CABP1: variants seen among roughly 807,000 people sequenced by gnomAD.
The protein encoded by CABP1 is calcium binding protein 1, also known as calcium-binding protein 1.
CABP1 carries 17 observed loss-of-function variants against 34.3 expected under a neutral mutation model. The observed-to-expected ratio is 0.50, with a 90% CI of 0.34 to 0.74. The LOEUF (loss-of-function observed/expected upper bound fraction) is 0.74, where lower values mean the gene tolerates loss of function less well. Ranked by LOEUF, CABP1 falls within the 30% of genes least tolerant of loss-of-function variation. CABP1 has a pLI of 0.01. For missense variants in CABP1, 373 were observed against 511.1 expected, an observed-to-expected ratio of 0.73 and a Z score of 2.61; for synonymous variants, 198 against 229.2, an observed-to-expected ratio of 0.86 and a Z score of 1.23.
At position 120,641,236 on chromosome 12, in the gene CABP1, C is replaced by T; in HGVS notation, c.551C>T (p.Ser184Phe). 2.4e-6 allele frequency: 3 copies of T among 1,275,044 alleles called. No homozygotes were observed. Among genetic ancestry groups the T allele is most frequent in the Non-Finnish European group, 3.0e-6 (3 of 1,012,868 alleles). 79.0% of individuals were successfully genotyped at this position (1,275,044 alleles called of 1,614,324 possible). The change falls in exon 1 of 6, where the codon TCT (serine) becomes TTT (phenylalanine). Residue 184 changes from serine (S) to phenylalanine (F), a missense_variant. Physicochemically the swap from Ser to Phe is radical, Grantham distance 155. Around this residue, in one of 4 missense-constraint regions of CABP1, gnomAD observed 121 missense variants for 125.5 expected, o/e 0.96. Coordinates refer to ENST00000316803, the MANE Select transcript of CABP1 (RefSeq NM_001033677.2). This position sits in a 1 kb window ranked among gnomAD's most constrained non-coding sequence, Gnocchi z 6.7. Reference protein sequence around the residue: ...GLSPALGLRGSLRARGRGDSV... With the variant: ...GLSPALGLRGFLRARGRGDSV... ...TCCCCGGCGCTCGGCCTCCGGGGCT[C>T]TCTGCGAGCCCGGGGCCGCGGGGAC...
chr12:120,641,447 TCA>T lies in CABP1; in HGVS notation c.654+110_654+111del. 1 of 1,156,218 alleles carries T rather than the reference TCA, an allele frequency of 8.6e-7. No homozygotes were observed. Among genetic ancestry groups the T allele is most frequent in the Non-Finnish European group, 1.1e-6 (1 of 918,556 alleles). The allele number at this position is 1,156,218 out of a possible 1,614,324, so 71.6% of individuals were successfully genotyped here. Reference sequence around the variant, plus strand: ...CCCGCGGCCCGTGGTCCCCCACGGATCACGCCTCGGCTCACCTCGTCCTCCCC... The same window carrying T: ...CCCGCGGCCCGTGGTCCCCCACGGATCGCCTCGGCTCACCTCGTCCTCCCC... On this transcript the variant is annotated intron_variant, in intron 1 of 5. Transcript: ENST00000316803. The surrounding 1 kb of genome is among the most constrained non-coding windows in gnomAD (Gnocchi z 6.7).
chr12:120,667,371 C>G (rs1213871915), downstream of CABP1: 1 of 179,492 alleles, frequency 5.6e-6, no homozygotes, highest in Non-Finnish European at 1.2e-5. Context: ...AGATGACCCT[C>G]ACATTTCCTG....
chr12:120,650,472 A>T, intron 1 of CABP1: 2 of 1,483,576 alleles, frequency 1.3e-6, no homozygotes, highest in South Asian at 2.7e-5. Context: ...CAGGCAGACG[A>T]GTAAGAGAGC....
chr12:120,679,000 G>A, the CABP1 span, among the ~76,000 whole-genome samples: 10 of 146,434 alleles, frequency 6.8e-5, no homozygotes, highest in Non-Finnish European at 1.3e-4. Flanking sequence ...TTGAACTGAG[G>A]AGGCCAAGGT....
rs1167919419 is a variant in CABP1 at position 120,660,375 on chromosome 12, T to C, written c.829+36T>C. 1.2e-6 allele frequency: 2 copies of C among 1,600,750 alleles called. No homozygotes were observed. The highest frequency in any genetic ancestry group is 8.5e-7 in the Non-Finnish European group (1 of 1,175,148). ...CTACCAGGCATCTGCGTCCCTTCGGTCCTCACCCTTGCCGTCCTCTGCAGT... is the reference window on the plus strand; with the variant it reads ...CTACCAGGCATCTGCGTCCCTTCGGCCCTCACCCTTGCCGTCCTCTGCAGT... On this transcript the variant is annotated intron_variant, in intron 3 of 5. Transcript: ENST00000316803. The surrounding 1 kb of genome is among the most constrained non-coding windows in gnomAD (Gnocchi z 5.0).
In CABP1 at chr12:120,640,827, C is replaced by T; in HGVS notation, c.142C>T (p.Pro48Ser). 1 of 1,079,898 alleles carries T rather than the reference C, an allele frequency of 9.3e-7. No individual in the cohort carries two copies. Among genetic ancestry groups the T allele is most frequent in the Non-Finnish European group, 1.1e-6 (1 of 892,740 alleles). The allele number at this position is 1,079,898 out of a possible 1,614,324, so 66.9% of individuals were successfully genotyped here. A position where few individuals can be genotyped will look rare whatever the true frequency, so the allele number is the denominator to read the frequency against. Reference sequence around the variant, plus strand: ...GCCGCGCCGCACCGCGCCGCCCCCGCCGGGCCATGCGAGCGCGGGCCCCGC... The same window carrying T: ...GCCGCGCCGCACCGCGCCGCCCCCGTCGGGCCATGCGAGCGCGGGCCCCGC... ...PAPRRTAPPPPGHASAGPAAM... is the reference protein window; with the variant it reads ...PAPRRTAPPPSGHASAGPAAM... Residue 48 changes from proline (P) to serine (S), a missense_variant, in exon 1 of 6, where the codon CCG (proline) becomes TCG (serine). Around this residue, in one of 4 missense-constraint regions of CABP1, gnomAD observed 134 missense variants for 145.4 expected, o/e 0.92. Coordinates refer to ENST00000316803, the MANE Select transcript of CABP1 (RefSeq NM_001033677.2). This position sits in a 1 kb window ranked among gnomAD's most constrained non-coding sequence, Gnocchi z 6.2.
At chr12:120,675,217 T>A in the CABP1 span, among the ~76,000 whole-genome samples, 1 of 152,056 alleles carries the variant, frequency 6.6e-6, no homozygotes, top group Non-Finnish European at 1.5e-5. Flanking sequence ...CACGCCCAGC[T>A]AAATTCTGTA....
Position 120,660,599 on chromosome 12 carries a change from G to T in CABP1, c.830-132G>T. The T allele has an allele frequency of 1.3e-6, 1 of 749,676 alleles. No individual in the cohort carries two copies. The highest frequency in any genetic ancestry group is 2.3e-6 in the Non-Finnish European group (1 of 425,844). 46.4% of individuals were successfully genotyped at this position (749,676 alleles called of 1,614,324 possible). A position where few individuals can be genotyped will look rare whatever the true frequency, so the allele number is the denominator to read the frequency against. On this transcript the variant is annotated intron_variant, in intron 3 of 5. Transcript: ENST00000316803. This position sits in a 1 kb window ranked among gnomAD's most constrained non-coding sequence, Gnocchi z 5.0. ...GCTCACAGGAAGAACTGAACAGAGG[G>T]CTCTTGTTATTATTAAGTTTGTCTC... is the stretch of plus-strand genomic sequence containing the variant.
the CABP1 span, among the ~76,000 whole-genome samples, chr12:120,675,029 TTTTTA>T: frequency 1.3e-5 from 2 of 151,764 alleles, no homozygotes; most frequent in Non-Finnish European, 2.9e-5. Flanking sequence ...TCACTGTTTA[TTTTTA>T]TTTTTAGTTT....
At chr12:120,650,744 C>G (rs374639633) in intron 1 of CABP1, 49 of 1,553,116 alleles carry the variant, frequency 3.2e-5, no homozygotes, top group Non-Finnish European at 3.6e-5. Context: ...CCATCTGTCT[C>G]AGAGGTTGGG....
At chr12:120,667,613 C>G (rs1418017856), downstream of CABP1, among the ~76,000 whole-genome samples, 1 of 152,038 alleles carries the variant, frequency 6.6e-6, no homozygotes, top group African/African-American at 2.4e-5. Flanking sequence ...CTCAGCCTCC[C>G]GAGTAGCTGG....
At chr12:120,652,911 T>C (rs1178819219) in intron 1 of CABP1, among the ~76,000 whole-genome samples, 2 of 152,126 alleles carry the variant, frequency 1.3e-5, no homozygotes, top group South Asian at 2.1e-4. Flanking sequence ...CTTGGCTTCC[T>C]GAGCGGTATC....
chr12:120,640,962 G>A lies in CABP1; in HGVS notation c.277G>A (p.Asp93Asn). The A allele has an allele frequency of 8.7e-7, 1 of 1,143,370 alleles. No homozygotes were observed. Among genetic ancestry groups the A allele is most frequent in the Non-Finnish European group, 1.1e-6 (1 of 931,632 alleles). The allele number at this position is 1,143,370 out of a possible 1,614,324, so 70.8% of individuals were successfully genotyped here. A position where few individuals can be genotyped will look rare whatever the true frequency, so the allele number is the denominator to read the frequency against. The part of the protein sequence containing the change: ...SRAPRHGPAR[D>N]PGLPSRRLPG... ...GGCTCCCCGCCACGGCCCTGCCCGG[G>A]ACCCGGGGCTGCCTAGCCGCCGGCT... The change falls in exon 1 of 6, where the codon GAC (aspartate) becomes AAC (asparagine). Residue 93 changes from aspartate to asparagine, a missense_variant. By Grantham distance (23) the Asp-to-Asn change is conservative (BLOSUM62 1). This residue lies in a region of CABP1 where 134 missense variants were observed against 145.4 expected (regional missense o/e 0.92). Transcript: ENST00000316803. This position sits in a 1 kb window ranked among gnomAD's most constrained non-coding sequence, Gnocchi z 6.2.
At chr12:120,675,289 T>C in the CABP1 span, among the ~76,000 whole-genome samples, 5 of 152,252 alleles carry the variant, frequency 3.3e-5, no homozygotes, top group South Asian at 2.1e-4. Context: ...CTGACCTCAA[T>C]TGATCCACCC....
chr12:120,651,476 T>C (rs895513137), intron 1 of CABP1, among the ~76,000 whole-genome samples: 1 of 152,234 alleles, frequency 6.6e-6, no homozygotes, highest in East Asian at 1.9e-4. Context: ...CTCTGCGTAT[T>C]TTTCTAGCCC....
intron 1 of CABP1, chr12:120,655,826 CGTGCGTGTGTGTGT>C (rs777846060): frequency 1.4e-6 from 2 of 1,417,920 alleles, no homozygotes; most frequent in Admixed American, 2.1e-5. Context: ...CCAGTGCGTG[CGTGCGTGTGTGTGT>C]GTGTGTGTGT....
chr12:120,648,388 G>A (rs952715235), intron 1 of CABP1, among the ~76,000 whole-genome samples: 13 of 152,148 alleles, frequency 8.5e-5, no homozygotes, highest in African/African-American at 2.2e-4. Context: ...CCCCAACAAC[G>A]TTCCCAGAGC....
At chr12:120,642,705 G>A (rs1282032535) in intron 1 of CABP1, among the ~76,000 whole-genome samples, 1 of 152,210 alleles carries the variant, frequency 6.6e-6, no homozygotes, top group Admixed American at 6.5e-5. Flanking sequence ...CAGGGCACGA[G>A]TGGTCTTTGG....
rs1479684091 is a variant in CABP1 at position 120,650,761 on chromosome 12, A to G, written c.655-9117A>G. On this transcript the variant is annotated intron_variant, in intron 1 of 5. Coordinates refer to ENST00000316803, the MANE Select transcript of CABP1 (RefSeq NM_001033677.2). The stretch of plus-strand genomic sequence containing the variant: ...ATCTGTCTCAGAGGTTGGGCACAGA[A>G]AGGGTGGCTGGAGCTTGCTATCCTT... 2.2e-5 allele frequency: 33 copies of G among 1,468,178 alleles called. No individual in the cohort carries two copies. In the East Asian group the frequency reaches 6.6e-4, roughly 29 times the overall value. 90.9% of individuals were successfully genotyped at this position (1,468,178 alleles called of 1,614,324 possible).
Sources: gnomAD v4.1 joint callset for allele counts (sites outside exome capture counted in the v4.1 genomes callset) on GRCh38, gnomAD v4.1.1 for gene constraint, gnomAD v4.1.1 regional missense constraint, Gnocchi (gnomAD v3.1) non-coding constraint, MANE v1.5 for transcripts, NCBI Gene and HGNC (gene_info 2026-07-23, HGNC 2026-07-21) for gene names.